The following CSPP1 variants were observed in gnomAD, a reference collection of about 807,000 sequenced individuals.
CSPP1 encodes centrosome and spindle pole-associated protein 1.
CSPP1 carries 126 observed loss-of-function variants against 164.4 expected under a neutral mutation model. That is an observed-to-expected ratio of 0.77 (90% CI 0.66 to 0.89). CSPP1 has a LOEUF of 0.89. Ranked by LOEUF, CSPP1 falls within the 40% of genes least tolerant of loss-of-function variation. The pLI is 0.00. For synonymous variants in CSPP1, 472 were observed against 476.7 expected (o/e 0.99, Z 0.13); for missense variants, 1,395 against 1,449.8 (o/e 0.96, Z 0.61).
chr8:67,082,442 A>G (rs1057362860), intron 3 of CSPP1, among the ~76,000 whole-genome samples: 1 of 152,188 alleles, frequency 6.6e-6, no homozygotes, highest in African/African-American at 2.4e-5. Context: ...TTCATTTTGT[A>G]TGAGTGAAAT....
intron 24 of CSPP1, among the ~76,000 whole-genome samples, chr8:67,166,880 A>G (rs1031386908): frequency 9.9e-5 from 15 of 152,160 alleles, no homozygotes; most frequent in African/African-American, 1.7e-4. Context: ...GGCCTTCCGC[A>G]GTGTTTGTGT....
chr8:67,159,953 C>CG (rs1554605701), intron 21 of CSPP1, among the ~76,000 whole-genome samples: 1 of 29,120 alleles, frequency 3.4e-5, no homozygotes, highest in Non-Finnish European at 6.5e-5. Context: ...TTCCTTCCTT[C>CG]CTTCTTTCTT....
Position 67,164,431 on chromosome 8 carries a change from A to C in CSPP1, c.2751A>C (p.Arg917Ser), listed in dbSNP as rs201720914. The C allele has an allele frequency of 2.9e-4, 468 of 1,604,710 alleles. No homozygotes were observed. Among genetic ancestry groups the C allele is most frequent in the Non-Finnish European group, 3.8e-4 (446 of 1,171,684 alleles). The part of the protein sequence containing the change: ...KNVIMELSEM[R>S]KQLRSEERRL... The stretch of plus-strand genomic sequence containing the variant: ...TAATTATGGAATTATCAGAAATGAG[A>C]AAACAGCTTCGTAGTGAAGAGAGGC... Residue 917 changes from arginine (R) to serine (S), a missense_variant, in exon 24 of 31, where the codon AGA (arginine) becomes AGC (serine). Physicochemically the swap from Arg to Ser is moderately radical, Grantham distance 110. Coordinates refer to ENST00000678616, the MANE Select transcript of CSPP1 (RefSeq NM_001382391.1).
intron 15 of CSPP1, among the ~76,000 whole-genome samples, chr8:67,127,835 G>C (rs1820393306): frequency 6.6e-6 from 1 of 152,134 alleles, no homozygotes; most frequent in South Asian, 2.1e-4. Flanking sequence ...GTGTAAACTT[G>C]TTATAAAAGT....
intron 7 of CSPP1, among the ~76,000 whole-genome samples, chr8:67,096,464 CT>C (rs1812794735): frequency 6.6e-6 from 1 of 151,964 alleles, no homozygotes; most frequent in Non-Finnish European, 1.5e-5. Flanking sequence ...ACTCAGAAGG[CT>C]GGGGCAGGAG....
At chr8:67,159,966 CTTTTCTT>C (rs1563714348) in intron 21 of CSPP1, among the ~76,000 whole-genome samples, 2 of 41,332 alleles carry the variant, frequency 4.8e-5, no homozygotes, top group African/African-American at 1.7e-4. Flanking sequence ...TCTTTCTTTT[CTTTTCTT>C]TTCTTTTCTT....
chr8:67,192,664 A>C (rs1160000534), intron 29 of CSPP1, among the ~76,000 whole-genome samples: 1 of 152,218 alleles, frequency 6.6e-6, no homozygotes, highest in South Asian at 2.1e-4. Context: ...TTGTAGGTCC[A>C]TGATACACTT....
At chr8:67,193,804 T>C (rs547693669) in intron 30 of CSPP1, among the ~76,000 whole-genome samples, 2 of 152,338 alleles carry the variant, frequency 1.3e-5, no homozygotes, top group East Asian at 3.9e-4. Flanking sequence ...TCAGAGAGGG[T>C]GCCCATTTTA....
intron 7 of CSPP1, chr8:67,099,233 A>G (rs2129546322): frequency 6.6e-6 from 1 of 152,238 alleles, no homozygotes; most frequent in East Asian, 1.9e-4. Flanking sequence ...CCTTTGTGAC[A>G]AAACCCAACA....
intron 27 of CSPP1, among the ~76,000 whole-genome samples, chr8:67,179,594 G>A (rs1255788021): frequency 2.0e-5 from 3 of 152,326 alleles, no homozygotes; most frequent in African/African-American, 7.2e-5. Flanking sequence ...GGGGCAGGAA[G>A]GAGTGGAGCT....
rs1563711682 is a variant in CSPP1 at position 67,159,896 on chromosome 8, CTTT to C, written c.2538+760_2538+762del. Among the ~76,000 whole-genome samples, 39 of 67,188 alleles carry C rather than the reference CTTT, an allele frequency of 5.8e-4. 2 individuals are homozygous for C. The highest frequency in any genetic ancestry group is 1.2e-3 in the East Asian group (3 of 2,488). The allele number at this position is 67,188 out of a possible 152,430, so 44.1% of individuals were successfully genotyped here. On this transcript the variant is annotated intron_variant, in intron 21 of 30. Transcript: ENST00000678616. ...TCTTTCTTTCTTTCTTTCTTTCTTTCTTTCTTTCTTTCTTTCTTTCTTTCTTTC... is the reference window on the plus strand; with the variant it reads ...TCTTTCTTTCTTTCTTTCTTTCTTTCCTTTCTTTCTTTCTTTCTTTCTTTC...
At chr8:67,171,293 C>A (rs1830420530) in intron 24 of CSPP1, among the ~76,000 whole-genome samples, 1 of 151,460 alleles carries the variant, frequency 6.6e-6, no homozygotes, top group African/African-American at 2.4e-5. Context: ...CCCAGCTACT[C>A]AGGAGGCTGA....
chr8:67,139,653 C>T (rs1823082321), intron 17 of CSPP1, among the ~76,000 whole-genome samples: 1 of 152,180 alleles, frequency 6.6e-6, no homozygotes, highest in African/African-American at 2.4e-5. Flanking sequence ...CCATGGAATA[C>T]TATGCAGCCA....
At position 67,190,695 on chromosome 8, in the gene CSPP1, C is replaced by T. The variant is rs1263930446; in HGVS notation, c.3266C>T (p.Pro1089Leu). The change falls in exon 29 of 31, where the codon CCT becomes CTT. Residue 1089 changes from proline to leucine, a missense_variant. Transcript: ENST00000678616. ...TYPAIEDDVL[P>L]PPSQLPSARE... ...CCTGCCATTGAAGATGACGTCCTCCCTCCACCATCACAGTTGCCCTCTGCA... is the reference window on the plus strand; with the variant it reads ...CCTGCCATTGAAGATGACGTCCTCCTTCCACCATCACAGTTGCCCTCTGCA... 1.2e-6 allele frequency: 2 copies of T among 1,613,994 alleles called. No homozygotes were observed. The highest frequency in any genetic ancestry group is 1.7e-6 in the Non-Finnish European group (2 of 1,180,004).
At chr8:67,120,616 G>T (rs945509038) in intron 15 of CSPP1, among the ~76,000 whole-genome samples, 1 of 151,796 alleles carries the variant, frequency 6.6e-6, no homozygotes, top group Admixed American at 6.6e-5. Flanking sequence ...TATTCTTTTG[G>T]ATGCTTTCAT....
intron 15 of CSPP1, among the ~76,000 whole-genome samples, chr8:67,123,959 G>T: frequency 6.7e-6 from 1 of 149,954 alleles, no homozygotes; most frequent in South Asian, 2.1e-4. Flanking sequence ...GAGTGCAGTG[G>T]TGCGATCTCG....
intron 24 of CSPP1, among the ~76,000 whole-genome samples, chr8:67,168,949 C>G (rs1829998279): frequency 6.6e-6 from 1 of 152,132 alleles, no homozygotes; most frequent in South Asian, 2.1e-4. Flanking sequence ...TTCCTTTCAC[C>G]TTAAGTATTA....
chr8:67,100,382 A>G (rs1813802315), intron 7 of CSPP1, among the ~76,000 whole-genome samples: 1 of 152,154 alleles, frequency 6.6e-6, no homozygotes, highest in Non-Finnish European at 1.5e-5. Flanking sequence ...TAGTGTGGAT[A>G]CCTTGGGTGC....
chr8:67,153,952 T>G (rs1826190359), intron 18 of CSPP1, 72 bp from the exon 19 acceptor site: 4 of 670,258 alleles, frequency 6.0e-6, no homozygotes, highest in Non-Finnish European at 1.1e-5. Flanking sequence ...ATTAGCAAAC[T>G]GTTCATTCTT....
Sources: gnomAD v4.1 joint callset for allele counts (sites outside exome capture counted in the v4.1 genomes callset) on GRCh38, gnomAD v4.1.1 for gene constraint, MANE v1.5 for transcripts, NCBI Gene and HGNC (gene_info 2026-07-23, HGNC 2026-07-21) for gene names.